Variants in AFF2 observed in about 807,000 individuals in gnomAD.
AFF2 encodes the protein ALF transcription elongation factor 2.
Under a neutral mutation model 76.9 loss-of-function variants are expected in AFF2, and 14 were observed. The ratio of observed to expected loss-of-function variants is 0.18; its 90% CI spans 0.12 to 0.28. The LOEUF (loss-of-function observed/expected upper bound fraction) is 0.28, where lower values mean the gene tolerates loss of function less well. AFF2 is among the 10% of genes least tolerant of loss of function. The pLI, the probability that AFF2 is intolerant of heterozygous loss-of-function variation, is 1.00. For synonymous variants in AFF2, 398 were observed against 366.7 expected (o/e 1.09, Z -0.98); for missense variants, 868 against 1,001.1 (o/e 0.87, Z 1.79).
chrX:148,879,379 C>G (rs2071071367), intron 7 of AFF2, among the ~76,000 whole-genome samples: 1 of 112,155 alleles, frequency 8.9e-6, no homozygotes, highest in Non-Finnish European at 1.9e-5. Flanking sequence ...GGAATCTTAA[C>G]TAGATGAGTT....
chrX:148,946,824 C>T, intron 9 of AFF2, among the ~76,000 whole-genome samples: 1 of 112,075 alleles, frequency 8.9e-6, no homozygotes. Context: ...TTCTGCCTCC[C>T]TCTTTTACTT....
chrX:148,887,245 T>A (rs1557279196), intron 8 of AFF2, among the ~76,000 whole-genome samples: 1 of 112,873 alleles, frequency 8.9e-6, no homozygotes, highest in Non-Finnish European at 1.9e-5. Flanking sequence ...ATTTACTGGA[T>A]GCAAGCTGTC....
chrX:148,856,077 T>G (rs1186820760), intron 7 of AFF2, among the ~76,000 whole-genome samples: 1 of 111,046 alleles, frequency 9.0e-6, no homozygotes, highest in Non-Finnish European at 1.9e-5. Flanking sequence ...AGAGCAAACC[T>G]GGACTACATT....
At chrX:148,622,293 G>C (rs782269842) in intron 1 of AFF2, among the ~76,000 whole-genome samples, 6 of 111,793 alleles carry the variant, frequency 5.4e-5, no homozygotes, top group Non-Finnish European at 1.1e-4. Flanking sequence ...TACTTTAAGG[G>C]ATTGACACAC....
At chrX:148,907,997 T>A (rs2071428055) in intron 9 of AFF2, among the ~76,000 whole-genome samples, 1 of 111,423 alleles carries the variant, frequency 9.0e-6, no homozygotes, top group African/African-American at 3.3e-5. Context: ...GAAAAAGAAT[T>A]CAGCAATATT....
intron 3 of AFF2, among the ~76,000 whole-genome samples, chrX:148,759,211 T>C (rs2069411607): frequency 8.9e-6 from 1 of 112,221 alleles, no homozygotes; most frequent in Non-Finnish European, 1.9e-5. Context: ...CCCGGAAATG[T>C]CACGACTTTG....
chrX:148,587,512 G>A (rs2053480175), intron 1 of AFF2, among the ~76,000 whole-genome samples: 1 of 111,918 alleles, frequency 8.9e-6, no homozygotes, highest in African/African-American at 3.2e-5. Context: ...TGGCTTAAGG[G>A]GCTAATAACT....
chrX:148,961,187 C>T (rs2072104513), intron 12 of AFF2, among the ~76,000 whole-genome samples: 1 of 111,991 alleles, frequency 8.9e-6, no homozygotes, highest in Admixed American at 9.5e-5. Flanking sequence ...TCAGGCAGCT[C>T]AAGTAGTGGG....
At chrX:148,589,486 A>G (rs1458715226) in intron 1 of AFF2, among the ~76,000 whole-genome samples, 1 of 112,425 alleles carries the variant, frequency 8.9e-6, no homozygotes, top group Non-Finnish European at 1.9e-5. Context: ...TTTGGAAAGG[A>G]TAATTTATTT....
chrX:148,927,796 A>G (rs1344674692), intron 9 of AFF2, among the ~76,000 whole-genome samples: 1 of 111,995 alleles, frequency 8.9e-6, no homozygotes, highest in African/African-American at 3.2e-5. Context: ...ATGATGTTAC[A>G]ATGTTTTTAC....
intron 9 of AFF2, among the ~76,000 whole-genome samples, chrX:148,936,294 C>T: frequency 8.9e-6 from 1 of 112,153 alleles, no homozygotes; most frequent in Non-Finnish European, 1.9e-5. Flanking sequence ...ATCTGACATG[C>T]AGGAATTTAC....
intron 1 of AFF2, among the ~76,000 whole-genome samples, chrX:148,569,892 A>G (rs1447013118): frequency 8.9e-6 from 1 of 112,059 alleles, no homozygotes; most frequent in South Asian, 3.7e-4. Context: ...ACAATCATAC[A>G]TGATATCAGA....
At chrX:148,748,678 C>G (rs1557266258) in intron 3 of AFF2, among the ~76,000 whole-genome samples, 1 of 111,585 alleles carries the variant, frequency 9.0e-6, no homozygotes, top group African/African-American at 3.3e-5. Context: ...GCTACCTTGA[C>G]TGGGGGGCTC....
At chrX:148,721,890 A>G (rs1557263853) in intron 3 of AFF2, among the ~76,000 whole-genome samples, 3 of 111,625 alleles carry the variant, frequency 2.7e-5, no homozygotes, top group Non-Finnish European at 3.8e-5. Context: ...TCTTCTCTGC[A>G]TGGGTGTGTG....
chrX:148,618,636 T>C (rs1200109229), intron 1 of AFF2, among the ~76,000 whole-genome samples: 5 of 111,640 alleles, frequency 4.5e-5, no homozygotes, highest in Non-Finnish European at 9.4e-5. Flanking sequence ...ATTTCATTCC[T>C]TTACAAATAT....
chrX:148,648,896 T>C (rs2054173952), intron 1 of AFF2, among the ~76,000 whole-genome samples: 1 of 111,983 alleles, frequency 8.9e-6, no homozygotes, highest in Admixed American at 9.4e-5. Flanking sequence ...TGATGAATCC[T>C]TGAGTTGAGA....
At chrX:148,708,842 T>C (rs1024440241) in intron 3 of AFF2, among the ~76,000 whole-genome samples, 1 of 112,707 alleles carries the variant, frequency 8.9e-6, no homozygotes, top group Non-Finnish European at 1.9e-5. Flanking sequence ...TTTCTTAGTC[T>C]GTATCACTAA....
At chrX:148,823,442 A>G (rs2070351072) in intron 4 of AFF2, among the ~76,000 whole-genome samples, 1 of 111,874 alleles carries the variant, frequency 8.9e-6, no homozygotes, top group East Asian at 2.8e-4. Context: ...AAATTTTAAC[A>G]AAATAAAAGT....
chrX:148,577,309 G>A (rs1238662364), intron 1 of AFF2, among the ~76,000 whole-genome samples: 1 of 112,401 alleles, frequency 8.9e-6, no homozygotes, highest in African/African-American at 3.2e-5. Context: ...GCGCACACAC[G>A]TGCGCACAAG....
Sources: allele counts gnomAD v4.1 joint callset (sites outside exome capture counted in the v4.1 genomes callset), GRCh38; gene constraint gnomAD v4.1.1; transcripts MANE v1.5; gene names NCBI Gene and HGNC (gene_info 2026-07-23, HGNC 2026-07-21).